Variants in TFRC observed in about 807,000 individuals in gnomAD.
TFRC encodes transferrin receptor.
TFRC carries 35 observed loss-of-function variants against 85.8 expected under a neutral mutation model. The observed-to-expected ratio is 0.41, with a 90% CI of 0.31 to 0.54. TFRC has a LOEUF of 0.54. Ranked by LOEUF, TFRC falls within the 20% of genes least tolerant of loss-of-function variation. TFRC has a pLI of 0.31. For synonymous variants in TFRC, 362 were observed against 328.6 expected, an observed-to-expected ratio of 1.10 and a Z score of -1.10; for missense variants, 828 against 921.5, an observed-to-expected ratio of 0.90 and a Z score of 1.31.
chr3:196,068,151 C>T, intron 7 of TFRC, 21 bp from the exon 8 acceptor site: 1 of 1,577,598 alleles, frequency 6.3e-7, no homozygotes, highest in Non-Finnish European at 8.7e-7. Context: ...ACATATAAAG[C>T]TCAGAAAATG....
intron 11 of TFRC, 83 bp from the exon 12 acceptor site, chr3:196,063,022 G>C (rs1373199321): frequency 2.7e-6 from 3 of 1,112,532 alleles, no homozygotes; most frequent in Non-Finnish European, 4.0e-6. Context: ...AGATGAATCA[G>C]AAGGTCTAAT....
rs1233879597 is a variant in TFRC at position 196,051,938 on chromosome 3, A to C, written c.*4T>G. The C allele has an allele frequency of 6.2e-7, 1 of 1,613,572 alleles. No homozygotes were observed. Among genetic ancestry groups the C allele is most frequent in the Admixed American group, 1.7e-5 (1 of 59,960 alleles). On this transcript the variant is annotated 3_prime_UTR_variant, in exon 19 of 19. Transcript: ENST00000360110. ...TGTTCTCATGGAAGCTATGGGTATC[A>C]CATTTAAAACTCATTGTCAATGTCC...
At chr3:196,069,296 T>C (rs1306746282) in intron 7 of TFRC, among the ~76,000 whole-genome samples, 159 bp downstream of exon 7, 2 of 152,218 alleles carry the variant, frequency 1.3e-5, no homozygotes, top group African/African-American at 4.8e-5. Flanking sequence ...AAGTGGAACT[T>C]ACTTCATTTG....
At chr3:196,068,180 A>G (rs760746683) in intron 7 of TFRC, 50 bp from the exon 8 acceptor site, 1 of 1,368,016 alleles carries the variant, frequency 7.3e-7, no homozygotes. Context: ...ATCATACGAA[A>G]TGAGAATACA....
Position 196,052,199 on chromosome 3 carries a change from C to T in TFRC, c.2041-15G>A, listed in dbSNP as rs1414577303. 6.2e-7 allele frequency: 1 copy of T among 1,611,104 alleles called. No individual in the cohort carries two copies. The highest frequency in any genetic ancestry group is 1.3e-5 in the African/African-American group (1 of 74,818). The stretch of plus-strand genomic sequence containing the variant: ...TGATACTCCACCTACGAAAACAACA[C>T]ACAAGGCAATTTACACAGCCCTGTG... On this transcript the variant is annotated splice_polypyrimidine_tract_variant and intron_variant, in intron 18 of 18. Transcript: ENST00000360110.
Position 196,075,345 on chromosome 3 carries a change from A to G in TFRC, c.52T>C (p.Leu18=), listed in dbSNP as rs1398987655. 3.1e-6 allele frequency: 5 copies of G among 1,614,006 alleles called. No homozygotes were observed. In the African/African-American group the frequency reaches 6.7e-5, roughly 22 times the overall value. The change falls in exon 3 of 19, where the codon TTG becomes CTG. Residue 18 remains leucine, a synonymous_variant. Coordinates refer to ENST00000360110, the MANE Select transcript of TFRC (RefSeq NM_001128148.3). ...AFSNLFGGEP[L]SYTRFSLARQ... is the part of the protein sequence containing the mutation. Reference sequence around the variant, plus strand: ...GCCAGGCTGAACCGGGTATATGACAATGGTTCTCCACCAAACTGTGTTGCG... The same window carrying G: ...GCCAGGCTGAACCGGGTATATGACAGTGGTTCTCCACCAAACTGTGTTGCG...
chr3:196,077,588 C>T (rs1299109853), intron 1 of TFRC, among the ~76,000 whole-genome samples: 2 of 152,012 alleles, frequency 1.3e-5, no homozygotes, highest in East Asian at 3.9e-4. Flanking sequence ...CCTGTCTCTA[C>T]TAAAAATACA....
At position 196,072,005 on chromosome 3, in the gene TFRC, G is replaced by A. The variant is rs755871938; in HGVS notation, c.582C>T (p.Asp194=). 6.2e-7 allele frequency: 1 copy of A among 1,612,762 alleles called. No individual in the cohort carries two copies. Among genetic ancestry groups the A allele is most frequent in the South Asian group, 1.1e-5 (1 of 90,828 alleles). Reference sequence around the variant, plus strand: ...AAGTTTACCATCTTTCAACATACCTGTCTTTGACCTGAATCTTAACAAAAT... The same window carrying A: ...AAGTTTACCATCTTTCAACATACCTATCTTTGACCTGAATCTTAACAAAAT... ...DQHFVKIQVK[D]SAQNSVIIVD... is the part of the protein sequence containing the mutation. Residue 194 remains aspartate (D), a splice_region_variant and synonymous_variant, in exon 5 of 19, where the codon GAC becomes GAT. Coordinates refer to ENST00000360110, the MANE Select transcript of TFRC (RefSeq NM_001128148.3).
intron 16 of TFRC, among the ~76,000 whole-genome samples, chr3:196,055,844 C>T (rs1716743237): frequency 6.6e-6 from 1 of 150,484 alleles, no homozygotes; most frequent in Non-Finnish European, 1.5e-5. Context: ...AATCATGACT[C>T]CCTGCAGCCT....
At chr3:196,081,102 A>G (rs1477727176) in intron 1 of TFRC, among the ~76,000 whole-genome samples, 1 of 152,158 alleles carries the variant, frequency 6.6e-6, no homozygotes. Context: ...CCCAACCTTA[A>G]AAGAACTGTC....
Position 196,072,091 on chromosome 3 carries a change from C to T in TFRC, c.496G>A (p.Ala166Thr). The T allele has an allele frequency of 6.2e-7, 1 of 1,614,110 alleles. No homozygotes were observed. Among genetic ancestry groups the T allele is most frequent in the Non-Finnish European group, 8.5e-7 (1 of 1,180,028 alleles). The change falls in exon 5 of 19, where the codon GCG (alanine) becomes ACG (threonine). Residue 166 changes from alanine (A) to threonine (T), a missense_variant. Ala to Thr is a moderately conservative substitution (Grantham distance 58). Transcript: ENST00000360110. ...CGAAATTGATTTTCAACATACAACGCAAGATTTTCATCTTTTTGAGATCCA... is the reference window on the plus strand; with the variant it reads ...CGAAATTGATTTTCAACATACAACGTAAGATTTTCATCTTTTTGAGATCCA... ...EAGSQKDENL[A>T]LYVENQFREF...
intron 6 of TFRC, among the ~76,000 whole-genome samples, chr3:196,070,810 A>AATAATAATAAT (rs1560084312): frequency 3.2e-5 from 2 of 63,470 alleles, no homozygotes; most frequent in Non-Finnish European, 5.5e-5. Flanking sequence ...ATAATAATAA[A>AATAATAATAAT]ATAAAAAATA....
At chr3:196,065,354 T>C (rs905820105) in intron 10 of TFRC, 89 bp downstream of exon 10, 47 of 772,710 alleles carry the variant, frequency 6.1e-5, no homozygotes, top group Non-Finnish European at 8.4e-5. Context: ...CCAGCATTCC[T>C]ACACTCGCTC....
chr3:196,064,591 T>A (rs1717561494), intron 10 of TFRC, among the ~76,000 whole-genome samples, 163 bp from the exon 11 acceptor site: 1 of 152,248 alleles, frequency 6.6e-6, no homozygotes, highest in South Asian at 2.1e-4. Flanking sequence ...AAAATTCACA[T>A]GAGAATATTA....
In TFRC at chr3:196,062,879, G is replaced by A. The variant is rs781649382; in HGVS notation, c.1379C>T (p.Ser460Leu). Residue 460 changes from serine (S) to leucine (L), a missense_variant, in exon 12 of 19, where the codon TCG becomes TTG. Transcript: ENST00000360110. ...FASWSAGDFG[S>L]VGATEWLEGY... ...CTCTAGCCATTCAGTGGCACCAACC[G>A]ATCCAAAGTCTCCAGCACTCCAACT... is the stretch of plus-strand genomic sequence containing the variant. The A allele has an allele frequency of 1.1e-5, 18 of 1,613,950 alleles. No individual in the cohort carries two copies. Among genetic ancestry groups the A allele is most frequent in the Middle Eastern group, 3.3e-4 (2 of 6,084 alleles).
chr3:196,077,335 A>G (rs1718790377), intron 1 of TFRC, among the ~76,000 whole-genome samples: 1 of 151,996 alleles, frequency 6.6e-6, no homozygotes, highest in Non-Finnish European at 1.5e-5. Flanking sequence ...CTTTTTGTAG[A>G]GACAAGGTCA....
intron 2 of TFRC, among the ~76,000 whole-genome samples, chr3:196,076,598 C>T (rs770204800): frequency 3.9e-5 from 6 of 152,100 alleles, no homozygotes; most frequent in East Asian, 1.9e-4. Flanking sequence ...TACAGGCATG[C>T]GCCATGACAC....
In TFRC at chr3:196,072,015, T is replaced by G; in HGVS notation, c.572A>C (p.Gln191Pro). 1.2e-6 allele frequency: 2 copies of G among 1,613,226 alleles called. No homozygotes were observed. The highest frequency in any genetic ancestry group is 2.2e-5 in the South Asian group (2 of 90,850). ...VWRDQHFVKI[Q>P]VKDSAQNSVI... ...TCTTTCAACATACCTGTCTTTGACC[T>G]GAATCTTAACAAAATGTTGATCACG... is the stretch of plus-strand genomic sequence containing the variant. Residue 191 changes from glutamine (Q) to proline (P), a missense_variant, in exon 5 of 19, where the codon CAG becomes CCG. Transcript: ENST00000360110.
At chr3:196,063,892 G>T (rs1004048561) in intron 11 of TFRC, among the ~76,000 whole-genome samples, 1 of 150,806 alleles carries the variant, frequency 6.6e-6, no homozygotes. Context: ...CTGCACTCCA[G>T]CCTGGGCAAC....
Sources: gnomAD v4.1 joint callset for allele counts (sites outside exome capture counted in the v4.1 genomes callset) on GRCh38, gnomAD v4.1.1 for gene constraint, MANE v1.5 for transcripts, NCBI Gene and HGNC (gene_info 2026-07-23, HGNC 2026-07-21) for gene names.